The following AHRR variants were observed in gnomAD, a reference collection of about 807,000 sequenced individuals.
The protein encoded by AHRR is ahR repressor.
AHRR carries 28 observed loss-of-function variants against 44.0 expected under a neutral mutation model. The ratio of observed to expected loss-of-function variants is 0.64; its 90% CI spans 0.47 to 0.87. AHRR has a LOEUF of 0.87. AHRR is among the 40% of genes least tolerant of loss of function. AHRR has a pLI of 0.00. For missense variants in AHRR, 990 were observed against 953.9 expected (o/e 1.04, Z -0.50); for synonymous variants, 434 against 407.0 (o/e 1.07, Z -0.80).
chr5:352,240 T>C (rs1231369113), intron 2 of AHRR, among the ~76,000 whole-genome samples: 1 of 152,054 alleles, frequency 6.6e-6, no homozygotes, highest in Non-Finnish European at 1.5e-5. Context: ...GGGTTAGCCG[T>C]AGGGGATGGT....
chr5:344,411 G>T (rs1274391905), intron 2 of AHRR, among the ~76,000 whole-genome samples: 274 of 22,476 alleles, frequency 0.012, 4 homozygotes, highest in Middle Eastern at 0.033. Context: ...GGGCTGCGGG[G>T]GTGTGTGCGG....
At chr5:353,196 G>T (rs1245635147) in intron 2 of AHRR, among the ~76,000 whole-genome samples, 1 of 152,164 alleles carries the variant, frequency 6.6e-6, no homozygotes, top group Admixed American at 6.5e-5. Context: ...TCTCCCCTCA[G>T]CCCCAGCATG....
intron 5 of AHRR, among the ~76,000 whole-genome samples, chr5:420,397 C>T (rs1042726137): frequency 2.8e-5 from 4 of 143,674 alleles, no homozygotes; most frequent in Admixed American, 6.8e-5. Context: ...GGAGTGCGGA[C>T]TCCCCGAGCA....
chr5:336,919 C>G (rs1742157813), intron 1 of AHRR, among the ~76,000 whole-genome samples: 1 of 152,030 alleles, frequency 6.6e-6, no homozygotes, highest in Non-Finnish European at 1.5e-5. Context: ...GCCTTGCTTG[C>G]TACCTTGCTC....
intron 2 of AHRR, among the ~76,000 whole-genome samples, chr5:347,541 G>T (rs115628399): frequency 6.6e-6 from 1 of 152,130 alleles, no homozygotes; most frequent in Non-Finnish European, 1.5e-5. Context: ...GGAAAAAAGA[G>T]GGAAAAAAGA....
chr5:373,414 C>T (rs867169886), intron 3 of AHRR, among the ~76,000 whole-genome samples: 1 of 152,220 alleles, frequency 6.6e-6, no homozygotes, highest in Non-Finnish European at 1.5e-5. Flanking sequence ...TTGGCCTCTG[C>T]GGTCTTGGAG....
chr5:353,721 TC>T lies in AHRR; in HGVS notation c.63-5del. ...AGAAGCCCACCTGACCCAGACCATC[TC>T]CCCACAGGAGGCCCGCCGTGGGGGC... On this transcript the variant is annotated splice_polypyrimidine_tract_variant and splice_region_variant and intron_variant, in intron 2 of 10. Coordinates refer to ENST00000684583, the MANE Select transcript of AHRR (RefSeq NM_001377236.1). 3 of 1,601,070 alleles carry T rather than the reference TC, an allele frequency of 1.9e-6. No homozygotes were observed. Among genetic ancestry groups the T allele is most frequent in the Middle Eastern group, 1.9e-4 (1 of 5,326 alleles).
At chr5:392,373 C>T (rs2671904) in intron 4 of AHRR, among the ~76,000 whole-genome samples, 4 of 121,614 alleles carry the variant, frequency 3.3e-5, no homozygotes, top group South Asian at 2.9e-4. Context: ...CGTGCACGGG[C>T]GCAGGGCGAG....
intron 4 of AHRR, among the ~76,000 whole-genome samples, chr5:408,261 C>T (rs1012955107): frequency 6.6e-6 from 1 of 152,242 alleles, no homozygotes; most frequent in Non-Finnish European, 1.5e-5. Flanking sequence ...CTACCCTGTT[C>T]CTTGATCTTA....
intron 4 of AHRR, among the ~76,000 whole-genome samples, chr5:391,435 AGGCGGGCG>A: frequency 1.8e-5 from 2 of 109,604 alleles, no homozygotes; most frequent in African/African-American, 9.9e-5. Context: ...GGGCAGGGCG[AGGCGGGCG>A]CAGGGCGAGG....
intron 1 of AHRR, among the ~76,000 whole-genome samples, chr5:325,202 C>T (rs984818374): frequency 6.6e-6 from 1 of 152,240 alleles, no homozygotes; most frequent in Non-Finnish European, 1.5e-5. Context: ...CCCCCCGACC[C>T]GCTCTTGCCC....
At chr5:341,390 T>C (rs1431389400) in intron 1 of AHRR, among the ~76,000 whole-genome samples, 17 of 152,154 alleles carry the variant, frequency 1.1e-4, no homozygotes, top group Admixed American at 1.1e-3. Flanking sequence ...ATATTGGCAA[T>C]TTGTGTCTTC....
In AHRR at chr5:388,582, AGGCTGCTTCATGCCAGGCAGCCCTGAGG is replaced by A. The variant is rs1734267045; in HGVS notation, c.351+11870_351+11897del. On this transcript the variant is annotated intron_variant, in intron 4 of 10. Transcript: ENST00000684583. This position sits in a 1 kb window ranked among gnomAD's most constrained non-coding sequence, Gnocchi z 5.2. ...GGGCGTCTGCGGTGGCCCTGAGCCG[AGGCTGCTTCATGCCAGGCAGCCCTGAGG>A]GGCCGAGCCGACTGGAGGGGCACAG... 6.6e-6 allele frequency among the ~76,000 whole-genome samples: 1 copy of A among 152,038 alleles called. No homozygotes were observed.
At position 411,794 on chromosome 5, in the gene AHRR, C is replaced by A. The variant is rs1413520618; in HGVS notation, c.352-1550C>A. 6.6e-6 allele frequency among the ~76,000 whole-genome samples: 1 copy of A among 152,190 alleles called. No homozygotes were observed. The highest frequency in any genetic ancestry group is 2.4e-5 in the African/African-American group (1 of 41,442). ...ACAAACATCATGGGAGTTAAAGTCT[C>A]CGAATGTCTGTGTTTTAAAGACACA... On this transcript the variant is annotated intron_variant, in intron 4 of 10. Transcript: ENST00000684583. This position sits in a 1 kb window ranked among gnomAD's most constrained non-coding sequence, Gnocchi z 4.2.
chr5:322,391 C>G (rs1228192309), intron 1 of AHRR, among the ~76,000 whole-genome samples: 1 of 152,162 alleles, frequency 6.6e-6, no homozygotes, highest in African/African-American at 2.4e-5. Flanking sequence ...ACCCTCTGAC[C>G]TCTTCTGCGA....
At chr5:418,114 A>G (rs996168631) in intron 5 of AHRR, among the ~76,000 whole-genome samples, 3 of 152,236 alleles carry the variant, frequency 2.0e-5, no homozygotes, top group Non-Finnish European at 4.4e-5. Flanking sequence ...CAAAAAGGTA[A>G]AAATGTTAGC....
chr5:398,138 T>C (rs1458717392), intron 4 of AHRR, among the ~76,000 whole-genome samples: 2 of 97,378 alleles, frequency 2.1e-5, no homozygotes, highest in Non-Finnish European at 4.0e-5. Flanking sequence ...TGACCGTCCA[T>C]GTTAGCCCCT....
intron 8 of AHRR, among the ~76,000 whole-genome samples, chr5:431,207 G>T (rs1172051335): frequency 6.6e-6 from 1 of 152,082 alleles, no homozygotes; most frequent in East Asian, 1.9e-4. Flanking sequence ...TGGAGCGTAG[G>T]TGTGGGATCA....
Position 417,374 on chromosome 5 carries a change from A to C in AHRR, c.441+3941A>C, listed in dbSNP as rs371358964. 1.1e-3 allele frequency among the ~76,000 whole-genome samples: 161 copies of C among 150,642 alleles called. 1 individual carries two copies. The highest frequency in any genetic ancestry group is 3.8e-3 in the African/African-American group (157 of 40,792). ...GTTTAGAGAAGGCGGCTTGGTCCGT[A>C]TGTGCAGGGCCCGAGTTTAGAGAAG... On this transcript the variant is annotated intron_variant, in intron 5 of 10. Transcript: ENST00000684583.
Sources: gnomAD v4.1 joint callset for allele counts (sites outside exome capture counted in the v4.1 genomes callset) on GRCh38, gnomAD v4.1.1 for gene constraint, Gnocchi (gnomAD v3.1) non-coding constraint, MANE v1.5 for transcripts, NCBI Gene and HGNC (gene_info 2026-07-23, HGNC 2026-07-21) for gene names.